MAGI2: variants seen among roughly 807,000 people sequenced by gnomAD.
MAGI2 encodes the protein membrane associated guanylate kinase, WW and PDZ domain containing 2.
In MAGI2, 35 loss-of-function variants were observed where a neutral mutation model predicts 133.3. The observed-to-expected ratio is 0.26, with a 90% CI of 0.20 to 0.35. The LOEUF is 0.35. MAGI2 is among the 10% of genes least tolerant of loss of function. The pLI is 1.00. For synonymous variants in MAGI2, 729 were observed against 710.6 expected, an observed-to-expected ratio of 1.03 and a Z score of -0.41; for missense variants, 1,636 against 1,863.4, an observed-to-expected ratio of 0.88 and a Z score of 2.25.
intron 1 of MAGI2, among the ~76,000 whole-genome samples, chr7:79,237,147 A>G (rs1831986995): frequency 6.6e-6 from 1 of 152,230 alleles, no homozygotes; most frequent in Admixed American, 6.5e-5. Context: ...AATAATAATG[A>G]TAATACATTA....
intron 2 of MAGI2, among the ~76,000 whole-genome samples, chr7:78,722,937 T>C (rs375304065): frequency 7.2e-5 from 11 of 152,160 alleles, no homozygotes; most frequent in African/African-American, 2.4e-4. Flanking sequence ...CATAGAATTA[T>C]AGTTGGCTTA....
intron 2 of MAGI2, among the ~76,000 whole-genome samples, chr7:78,672,933 C>T (rs568336141): frequency 3.5e-4 from 54 of 152,284 alleles, no homozygotes; most frequent in African/African-American, 1.2e-3. Context: ...AACAAACTTT[C>T]ATCAATGGCT....
Position 79,263,771 on chromosome 7 carries a change from A to G in MAGI2, c.301+189249T>C, listed in dbSNP as rs546339776. ...TTCATTGACACCCTGAGGCTATACT[A>G]AAGACTTATTATATCTGAATAACAA... is the stretch of plus-strand genomic sequence containing the variant. On this transcript the variant is annotated intron_variant, in intron 1 of 21. Transcript: ENST00000354212. Among the ~76,000 whole-genome samples, 7 of 152,262 alleles carry G rather than the reference A, an allele frequency of 4.6e-5. No individual in the cohort carries two copies. The South Asian group carries it at 1.4e-3, about 32-fold the overall frequency.
chr7:78,878,987 TCAGTAGGGC>T (rs1795638740), intron 2 of MAGI2, among the ~76,000 whole-genome samples: 1 of 152,152 alleles, frequency 6.6e-6, no homozygotes, highest in Non-Finnish European at 1.5e-5. Flanking sequence ...AGACTATAGT[TCAGTAGGGC>T]CCCTATGCTT....
intron 1 of MAGI2, among the ~76,000 whole-genome samples, chr7:79,407,286 G>A (rs562654632): frequency 1.3e-5 from 2 of 152,146 alleles, no homozygotes; most frequent in Admixed American, 6.6e-5. Flanking sequence ...GAACTGCCAC[G>A]TTAAAGAAAA....
At chr7:78,676,821 G>C (rs1024521288) in intron 2 of MAGI2, among the ~76,000 whole-genome samples, 1 of 151,958 alleles carries the variant, frequency 6.6e-6, no homozygotes, top group Non-Finnish European at 1.5e-5. Context: ...TGTCTTTTCA[G>C]AACTACCGTA....
At chr7:79,176,267 T>C (rs1411951934) in intron 1 of MAGI2, among the ~76,000 whole-genome samples, 1 of 151,870 alleles carries the variant, frequency 6.6e-6, no homozygotes. Flanking sequence ...GTCCCCTTCC[T>C]GGTATTGCCC....
intron 3 of MAGI2, among the ~76,000 whole-genome samples, chr7:78,582,503 C>A (rs1350795762): frequency 6.6e-6 from 1 of 152,144 alleles, no homozygotes; most frequent in African/African-American, 2.4e-5. Flanking sequence ...TAAGTCATAG[C>A]AATTTGCTAG....
At chr7:79,126,194 G>A (rs918429052) in intron 1 of MAGI2, among the ~76,000 whole-genome samples, 15 of 152,114 alleles carry the variant, frequency 9.9e-5, no homozygotes, top group Admixed American at 2.6e-4. Flanking sequence ...TAATGGGGAC[G>A]AAAGCTTCAC....
At chr7:78,164,514 AG>A (rs5885042) in intron 15 of MAGI2, among the ~76,000 whole-genome samples, 14,975 of 152,280 alleles carry the variant, frequency 0.098, 792 homozygotes, top group East Asian at 0.17. Flanking sequence ...TCATCAAGGC[AG>A]ACAGCTTATT....
At chr7:79,405,921 C>CAAAAAAAAA (rs34025242) in intron 1 of MAGI2, among the ~76,000 whole-genome samples, 1 of 107,316 alleles carries the variant, frequency 9.3e-6, no homozygotes. Context: ...AACCACAACA[C>CAAAAAAAAA]AAAAAAAAAA....
intron 6 of MAGI2, among the ~76,000 whole-genome samples, chr7:78,406,034 G>A (rs1036434342): frequency 6.6e-6 from 1 of 151,952 alleles, no homozygotes; most frequent in Non-Finnish European, 1.5e-5. Context: ...TGCCTGTTTA[G>A]TTATTAGCTT....
chr7:79,055,874 C>T (rs913382981), intron 1 of MAGI2, among the ~76,000 whole-genome samples: 1 of 152,174 alleles, frequency 6.6e-6, no homozygotes, highest in African/African-American at 2.4e-5. Context: ...TCTGAAGTTA[C>T]TGCCACCTAA....
intron 6 of MAGI2, among the ~76,000 whole-genome samples, chr7:78,416,035 G>T (rs1236094409): frequency 6.6e-6 from 1 of 152,244 alleles, no homozygotes; most frequent in African/African-American, 2.4e-5. Flanking sequence ...GGACTGTACA[G>T]GTTGGGTAAA....
chr7:78,465,975 C>G (rs1013634545), intron 6 of MAGI2, among the ~76,000 whole-genome samples: 1 of 152,158 alleles, frequency 6.6e-6, no homozygotes. Context: ...TTAAAAGGGG[C>G]TGTCTTACCT....
intron 9 of MAGI2, among the ~76,000 whole-genome samples, chr7:78,309,696 A>T (rs564680073): frequency 6.6e-6 from 1 of 152,308 alleles, no homozygotes; most frequent in South Asian, 2.1e-4. Flanking sequence ...TTTAAAAAAT[A>T]ATTATTGAGG....
At chr7:78,495,272 C>T (rs1284086703) in intron 5 of MAGI2, among the ~76,000 whole-genome samples, 4 of 152,108 alleles carry the variant, frequency 2.6e-5, no homozygotes, top group Admixed American at 6.6e-5. Flanking sequence ...AGGCCCCTAT[C>T]CCCCAACAGG....
chr7:78,602,210 G>A (rs548472295), intron 3 of MAGI2, among the ~76,000 whole-genome samples: 2 of 151,968 alleles, frequency 1.3e-5, no homozygotes, highest in African/African-American at 2.4e-5. Flanking sequence ...TTTCACTCTT[G>A]TTGCAATGGC....
intron 1 of MAGI2, among the ~76,000 whole-genome samples, chr7:79,338,471 T>C (rs1241388083): frequency 1.3e-5 from 2 of 152,126 alleles, no homozygotes; most frequent in African/African-American, 4.8e-5. Context: ...CAGTAACATG[T>C]GTATTTCCGA....
Sources: gnomAD v4.1 joint callset for allele counts (sites outside exome capture counted in the v4.1 genomes callset) on GRCh38, gnomAD v4.1.1 for gene constraint, MANE v1.5 for transcripts, NCBI Gene and HGNC (gene_info 2026-07-23, HGNC 2026-07-21) for gene names.